Variants in DNAJC3 observed in about 807,000 individuals in gnomAD.
DNAJC3 encodes dnaJ homolog subfamily C member 3.
In DNAJC3, 38 loss-of-function variants were observed where a neutral mutation model predicts 68.6. That is an observed-to-expected ratio of 0.55 (90% CI 0.43 to 0.73). DNAJC3 has a LOEUF of 0.73. Ranked by LOEUF, DNAJC3 falls within the 30% of genes least tolerant of loss-of-function variation. The pLI is 0.00. For synonymous variants in DNAJC3, 203 were observed against 204.0 expected (o/e 1.00, Z 0.04); for missense variants, 526 against 591.9 (o/e 0.89, Z 1.16).
chr13:95,704,869 T>TTTTTTTTTTTTTTTTTTTTTTTTTTTTA (rs1880687202), intron 1 of DNAJC3, among the ~76,000 whole-genome samples: 1 of 148,030 alleles, frequency 6.8e-6, no homozygotes, highest in African/African-American at 2.6e-5. Context: ...TTTTTTTTTT[T>TTTTTTTTTTTTTTTTTTTTTTTTTTTTA]GAGACAGAGT....
chr13:95,775,237 G>A (rs9561951), intron 9 of DNAJC3, among the ~76,000 whole-genome samples: 4 of 151,976 alleles, frequency 2.6e-5, no homozygotes, highest in Non-Finnish European at 4.4e-5. Flanking sequence ...CTGTAACGAC[G>A]TTTTAAATAA....
Position 95,748,877 on chromosome 13 carries a change from G to A in DNAJC3, c.394-8767G>A, listed in dbSNP as rs1370645039. Reference sequence around the variant, plus strand: ...TTTAAAAGAATACTCAAAGTATTGTGAACTGAGAATAAAGGAGAATGGTAC... The same window carrying A: ...TTTAAAAGAATACTCAAAGTATTGTAAACTGAGAATAAAGGAGAATGGTAC... On this transcript the variant is annotated intron_variant, in intron 4 of 11. Coordinates refer to ENST00000602402, the MANE Select transcript of DNAJC3 (RefSeq NM_006260.5). Among the ~76,000 whole-genome samples, 7 of 152,288 alleles carry A rather than the reference G, an allele frequency of 4.6e-5. No homozygotes were observed. In the East Asian group the frequency reaches 1.2e-3, roughly 25 times the overall value.
chr13:95,747,480 GT>G (rs1489307982), intron 4 of DNAJC3, among the ~76,000 whole-genome samples: 2 of 152,228 alleles, frequency 1.3e-5, no homozygotes, highest in African/African-American at 4.8e-5. Context: ...AGGCAAGCAT[GT>G]GCCTGTCATT....
intron 1 of DNAJC3, among the ~76,000 whole-genome samples, chr13:95,697,612 A>T (rs1006154138): frequency 3.3e-5 from 5 of 151,926 alleles, no homozygotes; most frequent in African/African-American, 1.2e-4. Flanking sequence ...TGTTTTTTTA[A>T]AATTTCTTAC....
chr13:95,744,874 G>C (rs1410645499), intron 4 of DNAJC3: 1 of 152,094 alleles, frequency 6.6e-6, no homozygotes, highest in Non-Finnish European at 1.5e-5. Context: ...GAGACCACTG[G>C]TCATTAAGTT....
At chr13:95,712,159 A>G (rs920310865) in intron 2 of DNAJC3, among the ~76,000 whole-genome samples, 2 of 152,186 alleles carry the variant, frequency 1.3e-5, no homozygotes, top group African/African-American at 4.8e-5. Flanking sequence ...ATAAATATTT[A>G]ACACCATTTC....
chr13:95,700,139 T>C (rs1289587040), intron 1 of DNAJC3, among the ~76,000 whole-genome samples: 1 of 152,130 alleles, frequency 6.6e-6, no homozygotes, highest in African/African-American at 2.4e-5. Flanking sequence ...ATATAAGATA[T>C]GGGGTCTCAC....
intron 9 of DNAJC3, among the ~76,000 whole-genome samples, chr13:95,777,354 C>T (rs954681216): frequency 1.3e-5 from 2 of 152,162 alleles, no homozygotes; most frequent in Admixed American, 1.3e-4. Flanking sequence ...CATTCTCAGC[C>T]AGGCTGCCCT....
intron 9 of DNAJC3, among the ~76,000 whole-genome samples, chr13:95,767,055 A>G (rs1326704852): frequency 2.6e-5 from 4 of 152,190 alleles, no homozygotes; most frequent in African/African-American, 9.7e-5. Context: ...AAAATTTACC[A>G]TCTTAACCAT....
At position 95,760,756 on chromosome 13, in the gene DNAJC3, A is replaced by G. The variant is rs1168720405; in HGVS notation, c.806A>G (p.Asn269Ser). 6.2e-7 allele frequency: 1 copy of G among 1,612,876 alleles called. No individual in the cohort carries two copies. The highest frequency in any genetic ancestry group is 1.7e-5 in the Admixed American group (1 of 59,904). The change falls in exon 7 of 12, where the codon AAT becomes AGT. Residue 269 changes from asparagine to serine, a missense_variant. By Grantham distance (46) the Asn-to-Ser change is conservative. Transcript: ENST00000602402. Reference protein sequence around the residue: ...FAHYKQVKKLNKLIESAEELI... With the variant: ...FAHYKQVKKLSKLIESAEELI... ...CACTATAAACAAGTAAAGAAACTTAATAAGCTGATTGAGTCAGCTGAAGAG... is the reference window on the plus strand; with the variant it reads ...CACTATAAACAAGTAAAGAAACTTAGTAAGCTGATTGAGTCAGCTGAAGAG...
chr13:95,739,634 C>T (rs1882056268), intron 4 of DNAJC3, among the ~76,000 whole-genome samples: 1 of 152,100 alleles, frequency 6.6e-6, no homozygotes, highest in Non-Finnish European at 1.5e-5. Context: ...GAGGCTTCTG[C>T]ATTCTTGAGC....
In DNAJC3 at chr13:95,765,168, T is replaced by C. The variant is rs17882546; in HGVS notation, c.1075+1215T>C. On this transcript the variant is annotated intron_variant, in intron 9 of 11. Transcript: ENST00000602402. ...AATGAATGCAGTCAAAATGACACTT[T>C]AATATTTATAAGCATGCTTCAATAA... 1.2e-3 allele frequency among the ~76,000 whole-genome samples: 179 copies of C among 152,216 alleles called. 1 individual carries two copies. Among genetic ancestry groups the C allele is most frequent in the African/African-American group, 4.1e-3 (170 of 41,546 alleles).
At chr13:95,764,679 T>TATAC (rs1555328242) in intron 9 of DNAJC3, among the ~76,000 whole-genome samples, 2 of 120,600 alleles carry the variant, frequency 1.7e-5, no homozygotes, top group African/African-American at 7.5e-5. Flanking sequence ...TATATATATA[T>TATAC]ATATACACAC....
chr13:95,773,153 T>TTG (rs1883201072), intron 9 of DNAJC3, among the ~76,000 whole-genome samples: 1 of 82,682 alleles, frequency 1.2e-5, no homozygotes, highest in East Asian at 2.4e-4. Context: ...ACAAATTTAG[T>TTG]TTTTTTTTTT....
At chr13:95,777,432 G>A (rs978090520) in intron 9 of DNAJC3, among the ~76,000 whole-genome samples, 1 of 151,896 alleles carries the variant, frequency 6.6e-6, no homozygotes, top group Admixed American at 6.6e-5. Context: ...AATCTGTTTT[G>A]GTCTCTTCTA....
intron 9 of DNAJC3, among the ~76,000 whole-genome samples, chr13:95,785,620 G>A (rs1316301806): frequency 6.6e-6 from 1 of 150,704 alleles, no homozygotes; most frequent in Non-Finnish European, 1.5e-5. Context: ...CACCATGCCC[G>A]GCTAATTTTT....
intron 4 of DNAJC3, among the ~76,000 whole-genome samples, chr13:95,731,789 C>T (rs531598386): frequency 3.8e-4 from 58 of 152,020 alleles, no homozygotes; most frequent in Non-Finnish European, 7.6e-4. Flanking sequence ...CTCTGGCCTG[C>T]AGTGGTGCAG....
intron 9 of DNAJC3, among the ~76,000 whole-genome samples, chr13:95,774,953 C>G (rs563421643): frequency 1.3e-5 from 2 of 152,274 alleles, no homozygotes; most frequent in East Asian, 3.9e-4. Context: ...GAAGTGTTTA[C>G]TTGATCAATA....
chr13:95,723,449 A>T, intron 3 of DNAJC3, 83 bp downstream of exon 3: 1 of 1,457,644 alleles, frequency 6.9e-7, no homozygotes, highest in Non-Finnish European at 9.3e-7. Context: ...GAGGACTGGC[A>T]TGCTAGACAT....
Sources: allele counts gnomAD v4.1 joint callset (sites outside exome capture counted in the v4.1 genomes callset), GRCh38; gene constraint gnomAD v4.1.1; transcripts MANE v1.5; gene names NCBI Gene and HGNC (gene_info 2026-07-23, HGNC 2026-07-21).